Variants in NCKAP5 observed in about 807,000 individuals in gnomAD.
The protein encoded by NCKAP5 is nck-associated protein 5.
A neutral mutation model predicts 167.0 loss-of-function variants in NCKAP5; 92 were observed. The ratio of observed to expected loss-of-function variants is 0.55; its 90% CI spans 0.47 to 0.66. NCKAP5 has a LOEUF of 0.66. Ranked by LOEUF, NCKAP5 falls within the 30% of genes least tolerant of loss-of-function variation. NCKAP5 has a pLI of 0.00. For synonymous variants in NCKAP5, 891 were observed against 877.4 expected (o/e 1.02, Z -0.27); for missense variants, 2,378 against 2,315.0 (o/e 1.03, Z -0.56).
chr2:133,114,335 C>T (rs1244424028), intron 6 of NCKAP5, among the ~76,000 whole-genome samples: 1 of 152,168 alleles, frequency 6.6e-6, no homozygotes, highest in Non-Finnish European at 1.5e-5. Context: ...TGCTCACATG[C>T]TTGATTATAA....
intron 11 of NCKAP5, among the ~76,000 whole-genome samples, chr2:132,847,442 C>A (rs1351360244): frequency 6.6e-6 from 1 of 152,140 alleles, no homozygotes; most frequent in African/African-American, 2.4e-5. Flanking sequence ...TCAGCAAAGA[C>A]TGAATTTGAT....
chr2:133,156,610 T>C (rs1423795484), intron 5 of NCKAP5, among the ~76,000 whole-genome samples: 2 of 152,204 alleles, frequency 1.3e-5, no homozygotes, highest in African/African-American at 4.8e-5. Context: ...TACTGAGTAT[T>C]GGTTCATCTT....
At chr2:132,765,474 G>A (rs1311216873) in intron 16 of NCKAP5, among the ~76,000 whole-genome samples, 3 of 151,902 alleles carry the variant, frequency 2.0e-5, no homozygotes, top group South Asian at 2.1e-4. Flanking sequence ...GGCACCACGC[G>A]CAGCTAATTT....
At chr2:133,505,141 T>C (rs1395437648) in intron 3 of NCKAP5, among the ~76,000 whole-genome samples, 2 of 152,102 alleles carry the variant, frequency 1.3e-5, no homozygotes, top group Non-Finnish European at 2.9e-5. Context: ...TTACCTGTTA[T>C]AAATAGACAC....
the NCKAP5 span, among the ~76,000 whole-genome samples, chr2:133,629,283 A>G: frequency 6.6e-6 from 1 of 152,202 alleles, no homozygotes; most frequent in East Asian, 1.9e-4. Context: ...ACTTAAACAA[A>G]TTTACAGGAA....
chr2:133,563,142 A>G, intron 1 of NCKAP5, among the ~76,000 whole-genome samples: 1 of 152,182 alleles, frequency 6.6e-6, no homozygotes, highest in East Asian at 1.9e-4. Context: ...ATGGCCAAAC[A>G]TTATTTCCAA....
intron 11 of NCKAP5, among the ~76,000 whole-genome samples, chr2:132,854,821 G>C (rs1463659738): frequency 6.6e-6 from 1 of 152,202 alleles, no homozygotes; most frequent in Non-Finnish European, 1.5e-5. Context: ...AGTGGCAGGG[G>C]TGGGGTGGGC....
At chr2:132,898,740 G>A (rs1166793900) in intron 8 of NCKAP5, among the ~76,000 whole-genome samples, 1 of 152,068 alleles carries the variant, frequency 6.6e-6, no homozygotes, top group South Asian at 2.1e-4. Flanking sequence ...ATTTGGAAAG[G>A]GATATTTTCT....
At chr2:133,574,500 T>A in the NCKAP5 span, among the ~76,000 whole-genome samples, 1 of 152,078 alleles carries the variant, frequency 6.6e-6, no homozygotes. Flanking sequence ...CCTCCTTTCA[T>A]GTTGAGAAAG....
At chr2:133,252,579 T>C (rs2088402249) in intron 4 of NCKAP5, among the ~76,000 whole-genome samples, 1 of 152,180 alleles carries the variant, frequency 6.6e-6, no homozygotes, top group African/African-American at 2.4e-5. Context: ...CAGTCCCTTT[T>C]AAACTCCAAT....
At chr2:133,606,686 C>T in the NCKAP5 span, among the ~76,000 whole-genome samples, 1 of 142,510 alleles carries the variant, frequency 7.0e-6, no homozygotes, top group Non-Finnish European at 1.5e-5. Context: ...TCCTGATGCA[C>T]ACCAAGCTTG....
chr2:133,315,332 G>T (rs753797664), intron 3 of NCKAP5, among the ~76,000 whole-genome samples: 27 of 152,096 alleles, frequency 1.8e-4, no homozygotes, highest in Non-Finnish European at 3.7e-4. Flanking sequence ...ATTCAATGTG[G>T]GATATGAAAT....
chr2:132,792,867 C>T (rs554463717), intron 12 of NCKAP5, among the ~76,000 whole-genome samples: 158 of 152,304 alleles, frequency 1.0e-3, no homozygotes, highest in African/African-American at 3.8e-3. Flanking sequence ...CAGCCCTGCC[C>T]ACTCATGTCC....
At chr2:132,674,654 T>C (rs901352170) in intron 19 of NCKAP5, among the ~76,000 whole-genome samples, 2 of 152,112 alleles carry the variant, frequency 1.3e-5, no homozygotes, top group African/African-American at 4.8e-5. Flanking sequence ...AGCCAAAGCT[T>C]ATGGATTCTC....
At chr2:133,408,452 A>G (rs1472272727) in intron 3 of NCKAP5, among the ~76,000 whole-genome samples, 1 of 152,130 alleles carries the variant, frequency 6.6e-6, no homozygotes, top group Non-Finnish European at 1.5e-5. Flanking sequence ...CCTCAAGGCC[A>G]AGACCTACCC....
intron 6 of NCKAP5, among the ~76,000 whole-genome samples, chr2:133,028,980 C>T (rs2078788468): frequency 6.6e-6 from 1 of 152,178 alleles, no homozygotes; most frequent in South Asian, 2.1e-4. Flanking sequence ...TTGCCTTCCG[C>T]CATGATTGGA....
intron 6 of NCKAP5, among the ~76,000 whole-genome samples, chr2:133,101,592 G>C (rs1043626681): frequency 6.6e-6 from 1 of 151,764 alleles, no homozygotes; most frequent in Non-Finnish European, 1.5e-5. Flanking sequence ...GCAGTGGTTT[G>C]TAGTTCTCCT....
At chr2:133,019,535 AG>A (rs1415129900) in intron 6 of NCKAP5, among the ~76,000 whole-genome samples, 1 of 152,236 alleles carries the variant, frequency 6.6e-6, no homozygotes, top group Non-Finnish European at 1.5e-5. Flanking sequence ...ACAGGGAAAC[AG>A]TCCTTCACAT....
the NCKAP5 span, among the ~76,000 whole-genome samples, chr2:133,611,066 T>C: frequency 6.6e-6 from 1 of 152,082 alleles, no homozygotes; most frequent in Admixed American, 6.6e-5. Context: ...AGTGACCTCC[T>C]ACCCAGAGAA....
Sources: gnomAD v4.1 joint callset for allele counts (sites outside exome capture counted in the v4.1 genomes callset) on GRCh38, gnomAD v4.1.1 for gene constraint, MANE v1.5 for transcripts, NCBI Gene and HGNC (gene_info 2026-07-23, HGNC 2026-07-21) for gene names.